Variants in AGFG2 observed in about 807,000 individuals in gnomAD.
AGFG2 encodes ArfGAP with FG repeats 2, also known as arf-GAP domain and FG repeat-containing protein 2.
Under a neutral mutation model 48.0 loss-of-function variants are expected in AGFG2, and 31 were observed. The observed-to-expected ratio is 0.65, with a 90% CI of 0.49 to 0.87. The LOEUF is 0.87. AGFG2 is among the 40% of genes least tolerant of loss of function. The pLI is 0.00. For synonymous variants in AGFG2, 229 were observed against 260.8 expected (o/e 0.88, Z 1.18); for missense variants, 599 against 632.6 (o/e 0.95, Z 0.57).
At chr7:100,553,103 A>C (rs1267001884) in intron 3 of AGFG2, among the ~76,000 whole-genome samples, 1 of 152,070 alleles carries the variant, frequency 6.6e-6, no homozygotes, top group African/African-American at 2.4e-5. Flanking sequence ...TGTTGAGCCA[A>C]CATTGCCCCA....
chr7:100,563,049 A>C (rs1800914584), intron 9 of AGFG2, 103 bp downstream of exon 9: 2 of 1,188,522 alleles, frequency 1.7e-6, no homozygotes, highest in Middle Eastern at 1.9e-4. Flanking sequence ...CTGTCAGGAG[A>C]AGCAGACAGC....
Position 100,563,839 on chromosome 7 carries a change from G to A in AGFG2, c.1177G>A (p.Gly393Ser), listed in dbSNP as rs777562263. ...TCCCGTCTTTCACTCCATAGGGCCC[G>A]GCTTTGGGATGAGCAGTGCTGGGCC... ...FQPNGLAPGPGFGMSSAGPGF... is the reference protein window; with the variant it reads ...FQPNGLAPGPSFGMSSAGPGF... Residue 393 changes from glycine to serine, a missense_variant, in exon 10 of 12, where the codon GGC becomes AGC. Gly to Ser is a moderately conservative substitution (Grantham distance 56). Coordinates refer to ENST00000300176, the MANE Select transcript of AGFG2 (RefSeq NM_006076.5). 1.6e-5 allele frequency: 25 copies of A among 1,611,384 alleles called. No individual in the cohort carries two copies. Among genetic ancestry groups the A allele is most frequent in the South Asian group, 2.2e-5 (2 of 91,076 alleles).
intron 3 of AGFG2, among the ~76,000 whole-genome samples, chr7:100,551,101 G>A (rs1337634496): frequency 1.4e-4 from 15 of 109,306 alleles, no homozygotes; most frequent in African/African-American, 3.3e-4. Context: ...ACAGAGTCTC[G>A]CTCTGTCACC....
chr7:100,544,454 C>A (rs959202110), intron 1 of AGFG2, among the ~76,000 whole-genome samples: 7 of 152,116 alleles, frequency 4.6e-5, no homozygotes, highest in Non-Finnish European at 8.8e-5. Context: ...GCATTTTAAT[C>A]TCCATGGGAG....
At chr7:100,563,606 G>A (rs976630968) in intron 9 of AGFG2, among the ~76,000 whole-genome samples, 5 of 152,156 alleles carry the variant, frequency 3.3e-5, no homozygotes, top group Non-Finnish European at 5.9e-5. Flanking sequence ...CCTGCACCGC[G>A]CCCGTGCCTG....
intron 3 of AGFG2, among the ~76,000 whole-genome samples, chr7:100,551,554 G>A (rs1194907450): frequency 6.6e-6 from 1 of 151,126 alleles, no homozygotes; most frequent in Non-Finnish European, 1.5e-5. Flanking sequence ...TGTAGATTCT[G>A]CAACCATGGA....
At chr7:100,544,608 G>A (rs1355182426) in intron 1 of AGFG2, among the ~76,000 whole-genome samples, 1 of 152,074 alleles carries the variant, frequency 6.6e-6, no homozygotes, top group Non-Finnish European at 1.5e-5. Context: ...GCTGGGCAGA[G>A]GTGGACAGAG....
intron 11 of AGFG2, 73 bp downstream of exon 11, chr7:100,564,376 CTGA>C: frequency 6.7e-7 from 1 of 1,483,224 alleles, no homozygotes; most frequent in South Asian, 1.2e-5. Flanking sequence ...CCAGAAGAGG[CTGA>C]TGTGAGGTGG....
Position 100,565,156 on chromosome 7 carries a change from A to G in AGFG2, c.*165A>G. The G allele has an allele frequency of 1.3e-6, 1 of 787,816 alleles. No homozygotes were observed. Among genetic ancestry groups the G allele is most frequent in the Non-Finnish European group, 2.1e-6 (1 of 471,916 alleles). The allele number at this position is 787,816 out of a possible 1,614,324, so 48.8% of individuals were successfully genotyped here. ...TGAAAGGTGGCTGCCCTCAGATTCC[A>G]CAAAGCCTCTCTCCCCTCCCTCGTC... On this transcript the variant is annotated 3_prime_UTR_variant, in exon 12 of 12. Transcript: ENST00000300176.
At chr7:100,550,558 C>G (rs1800610920) in intron 3 of AGFG2, 47 bp downstream of exon 3, 3 of 1,418,562 alleles carry the variant, frequency 2.1e-6, no homozygotes, top group African/African-American at 2.8e-5. Flanking sequence ...TCAAGACATT[C>G]TTCATCTGAC....
chr7:100,563,790 A>C (rs575338056), intron 9 of AGFG2, 44 bp from the exon 10 acceptor site: 2 of 1,605,806 alleles, frequency 1.2e-6, no homozygotes, highest in Admixed American at 3.4e-5. Flanking sequence ...TCTCCAGCCC[A>C]CCTTCCAGAA....
intron 1 of AGFG2, among the ~76,000 whole-genome samples, chr7:100,545,948 T>C (rs980477801): frequency 6.6e-6 from 1 of 152,200 alleles, no homozygotes; most frequent in Non-Finnish European, 1.5e-5. Flanking sequence ...CTAGGCCCCC[T>C]TCCTAGGCTG....
chr7:100,564,136 C>G lies in AGFG2; in HGVS notation c.1301-82C>G, dbSNP rs1800945835. 3 of 1,543,990 alleles carry G rather than the reference C, an allele frequency of 1.9e-6. No homozygotes were observed. The East Asian group carries it at 7.0e-5, about 36-fold the overall frequency. ...TTCCACTGCTCTGTTCCCTTACTCC[C>G]CCAGTTTAGGAGGGCCCCCCTTGCT... On this transcript the variant is annotated intron_variant, in intron 10 of 11. Transcript: ENST00000300176.
rs948161801 is a variant in AGFG2 at position 100,539,270 on chromosome 7, G to T, written c.-77G>T. On this transcript the variant is annotated 5_prime_UTR_variant, in exon 1 of 12. Coordinates refer to ENST00000300176, the MANE Select transcript of AGFG2 (RefSeq NM_006076.5). Reference sequence around the variant, plus strand: ...CTTCTGTCAGGGGAGCCGGGCGTGCGGAGGCGGCTGAGGAGGCGGGAAGGC... The same window carrying T: ...CTTCTGTCAGGGGAGCCGGGCGTGCTGAGGCGGCTGAGGAGGCGGGAAGGC... The T allele has an allele frequency of 1.5e-5, 19 of 1,254,092 alleles. No individual in the cohort carries two copies. In the African/African-American group the frequency reaches 3.0e-4, roughly 19 times the overall value. The allele number at this position is 1,254,092 out of a possible 1,614,324, so 77.7% of individuals were successfully genotyped here.
intron 1 of AGFG2, among the ~76,000 whole-genome samples, chr7:100,547,667 A>G (rs1800539577): frequency 6.6e-6 from 1 of 152,140 alleles, no homozygotes; most frequent in Non-Finnish European, 1.5e-5. Context: ...CTCTTCTCTT[A>G]TAATCTCCAC....
At position 100,539,366 on chromosome 7, in the gene AGFG2, A is replaced by T; in HGVS notation, c.20A>T (p.Lys7Met). Residue 7 changes from lysine to methionine, a missense_variant, in exon 1 of 12, where the codon AAG (lysine) becomes ATG (methionine). Coordinates refer to ENST00000300176, the MANE Select transcript of AGFG2 (RefSeq NM_006076.5). MVMAAK[K>M]GPGPGGGVSG... ...GCAGCGATGGTGATGGCGGCGAAGA[A>T]GGGCCCGGGCCCGGGCGGCGGGGTC... 1 of 1,269,454 alleles carries T rather than the reference A, an allele frequency of 7.9e-7. No individual in the cohort carries two copies. Among genetic ancestry groups the T allele is most frequent in the Non-Finnish European group, 1.0e-6 (1 of 1,003,992 alleles). 78.6% of individuals were successfully genotyped at this position (1,269,454 alleles called of 1,614,324 possible).
At chr7:100,552,459 C>G (rs568971616) in intron 3 of AGFG2, among the ~76,000 whole-genome samples, 224 of 152,266 alleles carry the variant, frequency 1.5e-3, no homozygotes, top group African/African-American at 5.0e-3. Flanking sequence ...GGAACCAGTT[C>G]CCTGAGGATA....
chr7:100,564,188 G>A, intron 10 of AGFG2, 30 bp from the exon 11 acceptor site: 4 of 1,598,010 alleles, frequency 2.5e-6, no homozygotes, highest in African/African-American at 1.3e-5. Context: ...GCAGGCTGGT[G>A]TCAGCTGAGT....
intron 3 of AGFG2, among the ~76,000 whole-genome samples, chr7:100,551,068 T>TATA (rs1800632184): frequency 1.5e-4 from 9 of 59,208 alleles, no homozygotes; most frequent in African/African-American, 2.6e-4. Context: ...ATATATATAT[T>TATA]TCTTTTTTTT....
Sources: allele counts gnomAD v4.1 joint callset (sites outside exome capture counted in the v4.1 genomes callset), GRCh38; gene constraint gnomAD v4.1.1; transcripts MANE v1.5; gene names NCBI Gene and HGNC (gene_info 2026-07-23, HGNC 2026-07-21).